The following POLR2F variants were observed in gnomAD, a reference collection of about 807,000 sequenced individuals.
POLR2F encodes DNA-directed RNA polymerases I, II, and III subunit RPABC2.
Under a neutral mutation model 22.7 loss-of-function variants are expected in POLR2F, and 12 were observed. The ratio of observed to expected loss-of-function variants is 0.53; its 90% CI spans 0.34 to 0.86. The LOEUF (loss-of-function observed/expected upper bound fraction) is 0.86. POLR2F is among the 40% of genes least tolerant of loss of function. POLR2F has a pLI of 0.02. For missense variants in POLR2F, 126 were observed against 171.5 expected (o/e 0.73, Z 1.48); for synonymous variants, 57 against 66.0 (o/e 0.86, Z 0.66).
At position 37,980,211 on chromosome 22, in the gene POLR2F, C is replaced by CAG. The variant is rs1932354473; in HGVS notation, c.293+13042_293+13043dup. 6.6e-6 allele frequency among the ~76,000 whole-genome samples: 1 copy of CAG among 152,080 alleles called. No individual in the cohort carries two copies. Among genetic ancestry groups the CAG allele is most frequent in the Non-Finnish European group, 1.5e-5 (1 of 68,012 alleles). ...GGGCACCCTCTCTGACGGCTGGGACCAGGGGAGGGGGTGGAGCAGGCCTTG... is the reference window on the plus strand; with the variant it reads ...GGGCACCCTCTCTGACGGCTGGGACCAGAGGGGAGGGGGTGGAGCAGGCCTTG... On this transcript the variant is annotated intron_variant, in intron 4 of 4. Coordinates refer to the POLR2F transcript ENST00000405557. The surrounding 1 kb of genome is among the most constrained non-coding windows in gnomAD (Gnocchi z 4.1).
chr22:37,963,063 T>C (rs1467890070), intron 3 of POLR2F, among the ~76,000 whole-genome samples: 1 of 151,970 alleles, frequency 6.6e-6, no homozygotes, highest in Non-Finnish European at 1.5e-5. Flanking sequence ...CTTGGCTCAC[T>C]GCATCCTCCG....
At chr22:37,983,521 C>A (rs1387350421), upstream of POLR2F, 20 of 1,610,228 alleles carry the variant, frequency 1.2e-5, no homozygotes, top group Non-Finnish European at 1.7e-5. This position sits in a 1 kb window ranked among gnomAD's most constrained non-coding sequence, Gnocchi z 9.5. Context: ...CGGGCATGGG[C>A]ACCAGCGTCC....
upstream of POLR2F, among the ~76,000 whole-genome samples, chr22:37,985,818 AACACACACACACACACAC>A (rs60447362): frequency 2.1e-5 from 3 of 144,392 alleles, no homozygotes; most frequent in African/African-American, 7.8e-5. Context: ...CAGACACTGG[AACACACACACACACACAC>A]ACACACACAC....
chr22:37,966,206 A>C (rs942840166), intron 3 of POLR2F, among the ~76,000 whole-genome samples: 2 of 152,220 alleles, frequency 1.3e-5, no homozygotes, highest in Non-Finnish European at 2.9e-5. Flanking sequence ...GGAGAGGAAG[A>C]GCTTGTAAGA....
At chr22:37,959,543 C>A in intron 3 of POLR2F, 67 bp downstream of exon 3, 2 of 1,536,496 alleles carry the variant, frequency 1.3e-6, no homozygotes, top group Non-Finnish European at 8.9e-7. Flanking sequence ...TACCGCTGAT[C>A]TTTCCCAGCC....
chr22:37,994,276 G>A (rs1369457464), intron 1 of POLR2F, among the ~76,000 whole-genome samples: 1 of 152,178 alleles, frequency 6.6e-6, no homozygotes, highest in Admixed American at 6.5e-5. Flanking sequence ...AGGCTGCCAG[G>A]CTGAGGGCCT....
At chr22:38,026,676 C>A (rs1018265377) in exon 3 of POLR2F, 1 of 257,244 alleles carries the variant, frequency 3.9e-6, no homozygotes, top group African/African-American at 2.2e-5. Flanking sequence ...GGCTAATTTG[C>A]CATGCATAAG....
At chr22:37,987,222 A>G (rs1318973178) in intron 1 of POLR2F, 6 of 456,534 alleles carry the variant, frequency 1.3e-5, no homozygotes, top group South Asian at 7.7e-5. Flanking sequence ...GCTTCCTTCC[A>G]TGGCCCAAGG....
At position 37,986,856 on chromosome 22, in the gene POLR2F, G is replaced by A. The variant is rs1469834800; in HGVS notation, c.120+544G>A. 3 of 453,938 alleles carry A rather than the reference G, an allele frequency of 6.6e-6. No homozygotes were observed. Among genetic ancestry groups the A allele is most frequent in the Non-Finnish European group, 8.9e-6 (2 of 225,064 alleles). The allele number at this position is 453,938 out of a possible 1,614,324, so 28.1% of individuals were successfully genotyped here. A position where few individuals can be genotyped will look rare whatever the true frequency, so the allele number is the denominator to read the frequency against. On this transcript the variant is annotated intron_variant, in intron 1 of 2. Coordinates refer to the POLR2F transcript ENST00000333418. This position sits in a 1 kb window ranked among gnomAD's most constrained non-coding sequence, Gnocchi z 4.7. ...ACCCAGTGCTCTCCAGCAGGCAAGG[G>A]TGAAGGACCCATAGTCATTCCTGAA...
At chr22:38,030,984 G>A (rs1462819698), downstream of POLR2F, among the ~76,000 whole-genome samples, 1 of 152,110 alleles carries the variant, frequency 6.6e-6, no homozygotes, top group East Asian at 1.9e-4. Flanking sequence ...GGCTGGAAGA[G>A]CTGTGAGAGG....
intron 1 of POLR2F, among the ~76,000 whole-genome samples, chr22:38,007,279 G>C (rs6519094): frequency 0.025 from 3,797 of 152,302 alleles, 157 homozygotes; most frequent in African/African-American, 0.087. Flanking sequence ...GCCCAGGGTG[G>C]TGGGAACCTT....
In POLR2F at chr22:37,978,832, A is replaced by G. The variant is rs1932305718; in HGVS notation, c.293+11662A>G. Among the ~76,000 whole-genome samples, 1 of 151,858 alleles carries G rather than the reference A, an allele frequency of 6.6e-6. No homozygotes were observed. Among genetic ancestry groups the G allele is most frequent in the Non-Finnish European group, 1.5e-5 (1 of 67,966 alleles). On this transcript the variant is annotated intron_variant, in intron 4 of 4. Transcript: ENST00000405557. This position sits in a 1 kb window ranked among gnomAD's most constrained non-coding sequence, Gnocchi z 5.0. ...CACTCTGTCACCCATGCTAGAGCTC[A>G]GTGGTATGATCTCAGCTCACTGCAA...
At chr22:37,961,497 C>A (rs991124385) in intron 3 of POLR2F, among the ~76,000 whole-genome samples, 1 of 152,102 alleles carries the variant, frequency 6.6e-6, no homozygotes, top group African/African-American at 2.4e-5. Flanking sequence ...AGCAAACTTC[C>A]CTCCTCTCCC....
Position 38,035,979 on chromosome 22 carries a change from C to CTT in POLR2F, c.453-5076_453-5075dup, listed in dbSNP as rs68189085. Among the ~76,000 whole-genome samples the CTT allele has an allele frequency of 3.1e-3, 441 of 142,722 alleles. 2 individuals carry two copies. Among genetic ancestry groups the CTT allele is most frequent in the Middle Eastern group, 7.4e-3 (2 of 270 alleles). 93.6% of individuals were successfully genotyped at this position (142,722 alleles called of 152,430 possible). A position where few individuals can be genotyped will look rare whatever the true frequency, so the allele number is the denominator to read the frequency against. ...GGTGAGGCACTGAGCCCCTGCTTTT[C>CTT]TTTTTTTTTTTTTTGAGACAGAGTC... is the stretch of plus-strand genomic sequence containing the variant. On this transcript the variant is annotated intron_variant, in intron 5 of 5. Transcript: ENST00000407936.
rs775381612 is a variant in POLR2F, at chr22:37,967,740, C to G, written c.*25C>G. The G allele has an allele frequency of 6.3e-7, 1 of 1,596,080 alleles. No individual in the cohort carries two copies. Among genetic ancestry groups the G allele is most frequent in the South Asian group, 1.1e-5 (1 of 88,290 alleles). On this transcript the variant is annotated 3_prime_UTR_variant, in exon 5 of 5. Transcript: ENST00000442738. ...AGCTGGAGTCATCTTCCTGCCCTTG[C>G]CCCATGCCCAATTTTCATTCTCACT...
At chr22:38,021,100 C>T (rs2084957293) in intron 1 of POLR2F, among the ~76,000 whole-genome samples, 1 of 152,128 alleles carries the variant, frequency 6.6e-6, no homozygotes, top group South Asian at 2.1e-4. Context: ...TTTCCTGGGG[C>T]GCACACTGCT....
At chr22:38,006,213 A>G (rs2084819913) in intron 1 of POLR2F, among the ~76,000 whole-genome samples, 1 of 152,124 alleles carries the variant, frequency 6.6e-6, no homozygotes, top group Admixed American at 6.5e-5. Context: ...ATCTCTAAAA[A>G]AATTAAAAAA....
chr22:37,962,135 G>A (rs1003530372), intron 3 of POLR2F, among the ~76,000 whole-genome samples: 11 of 152,116 alleles, frequency 7.2e-5, no homozygotes, highest in African/African-American at 2.7e-4. Context: ...GGAGGCTGAC[G>A]TGGGAGGATC....
intron 4 of POLR2F, among the ~76,000 whole-genome samples, chr22:37,977,265 C>G (rs565524934): frequency 1.3e-5 from 2 of 151,858 alleles, no homozygotes; most frequent in Admixed American, 6.6e-5. Context: ...GTCTTCTCCC[C>G]CTTTACTTGT....
Sources: allele counts gnomAD v4.1 joint callset (sites outside exome capture counted in the v4.1 genomes callset), GRCh38; gene constraint gnomAD v4.1.1; non-coding constraint Gnocchi (gnomAD v3.1); transcripts MANE v1.5; gene names NCBI Gene and HGNC (gene_info 2026-07-23, HGNC 2026-07-21).